SYNPO2: variants seen among roughly 807,000 people sequenced by gnomAD.
SYNPO2 encodes synaptopodin-2.
Under a neutral mutation model 85.0 loss-of-function variants are expected in SYNPO2, and 56 were observed. The observed-to-expected ratio is 0.66, with a 90% confidence interval of 0.53 to 0.82. The LOEUF (loss-of-function observed/expected upper bound fraction) is 0.82, where lower values mean the gene tolerates loss of function less well. SYNPO2 is among the 40% of genes least tolerant of loss of function. The pLI is 0.00. For synonymous variants in SYNPO2, 602 were observed against 591.1 expected (o/e 1.02, Z -0.27); for missense variants, 1,575 against 1,534.2 (o/e 1.03, Z -0.44).
intron 1 of SYNPO2, among the ~76,000 whole-genome samples, chr4:118,867,361 A>T (rs898350890): frequency 6.6e-6 from 1 of 152,242 alleles, no homozygotes; most frequent in Non-Finnish European, 1.5e-5. Context: ...ATCTGCCTGT[A>T]TTATTGTGTA....
chr4:118,906,129 A>AAATG (rs1203755183), intron 1 of SYNPO2, among the ~76,000 whole-genome samples: 1 of 152,230 alleles, frequency 6.6e-6, no homozygotes, highest in African/African-American at 2.4e-5. Flanking sequence ...GTTGTTGAAT[A>AAATG]AATGAATGAA....
intron 1 of SYNPO2, among the ~76,000 whole-genome samples, chr4:118,996,968 C>T (rs1046520909): frequency 6.6e-6 from 1 of 151,410 alleles, no homozygotes; most frequent in African/African-American, 2.4e-5. Flanking sequence ...AGGCCGGGCG[C>T]GGTGGCTCAC....
intron 1 of SYNPO2, among the ~76,000 whole-genome samples, chr4:118,879,247 C>G (rs1275294444): frequency 2.0e-5 from 3 of 152,158 alleles, no homozygotes; most frequent in African/African-American, 7.2e-5. Context: ...GTCAGGGAGA[C>G]CATGAACCCA....
chr4:118,953,113 A>G (rs997912063), intron 1 of SYNPO2, among the ~76,000 whole-genome samples: 15 of 152,254 alleles, frequency 9.9e-5, no homozygotes, highest in African/African-American at 3.4e-4. Context: ...ACTTCACTTG[A>G]TTGAAGTATA....
intron 1 of SYNPO2, among the ~76,000 whole-genome samples, chr4:119,018,492 T>C (rs931847483): frequency 6.6e-6 from 1 of 152,154 alleles, no homozygotes; most frequent in Non-Finnish European, 1.5e-5. Flanking sequence ...GTTCTAGTTT[T>C]AATTTTCTGA....
At chr4:118,917,240 A>G (rs540742123) in intron 1 of SYNPO2, among the ~76,000 whole-genome samples, 7 of 152,250 alleles carry the variant, frequency 4.6e-5, no homozygotes, top group African/African-American at 1.4e-4. Context: ...AAAAATACAA[A>G]AAAATAGCTG....
chr4:119,033,740 A>C (rs1738379751), intron 4 of SYNPO2: 1 of 984,916 alleles, frequency 1.0e-6, no homozygotes. Flanking sequence ...TTATCTGTTC[A>C]ATGTCCATAT....
At chr4:118,974,635 T>C (rs1467394507) in intron 1 of SYNPO2, among the ~76,000 whole-genome samples, 3 of 152,250 alleles carry the variant, frequency 2.0e-5, no homozygotes, top group African/African-American at 7.2e-5. Flanking sequence ...ATGTTAATAC[T>C]GAAAATTTTG....
chr4:118,903,923 G>A (rs1024953479), intron 1 of SYNPO2, among the ~76,000 whole-genome samples: 14 of 151,846 alleles, frequency 9.2e-5, no homozygotes, highest in East Asian at 5.8e-4. Context: ...TCACCATGTT[G>A]GCCAAGATGG....
intron 1 of SYNPO2, among the ~76,000 whole-genome samples, chr4:118,910,041 T>C (rs1161550936): frequency 6.6e-6 from 1 of 152,230 alleles, no homozygotes; most frequent in Non-Finnish European, 1.5e-5. Context: ...AACGTCTATT[T>C]TACTATGACC....
At chr4:118,870,059 A>G (rs188248435) in intron 1 of SYNPO2, among the ~76,000 whole-genome samples, 101 of 152,356 alleles carry the variant, frequency 6.6e-4, no homozygotes, top group Admixed American at 6.2e-3. Context: ...GCCTAATTCC[A>G]AAGCCTGCTA....
At chr4:118,959,439 C>T (rs566048926) in intron 1 of SYNPO2, among the ~76,000 whole-genome samples, 23 of 152,350 alleles carry the variant, frequency 1.5e-4, no homozygotes, top group African/African-American at 5.5e-4. Context: ...TCTTCTCTCT[C>T]ACTTTTTCCA....
intron 4 of SYNPO2, among the ~76,000 whole-genome samples, chr4:119,045,400 A>AT (rs953522005): frequency 9.9e-5 from 15 of 152,246 alleles, no homozygotes; most frequent in African/African-American, 3.6e-4. Context: ...GCAATGAGCT[A>AT]TGATAACACC....
intron 4 of SYNPO2, among the ~76,000 whole-genome samples, chr4:119,047,453 A>G (rs997743306): frequency 2.0e-5 from 3 of 152,248 alleles, no homozygotes; most frequent in Non-Finnish European, 4.4e-5. Flanking sequence ...CTTGGCAGAC[A>G]GAATGATACT....
At chr4:118,972,299 C>T (rs1735568726) in intron 1 of SYNPO2, among the ~76,000 whole-genome samples, 1 of 151,798 alleles carries the variant, frequency 6.6e-6, no homozygotes, top group Non-Finnish European at 1.5e-5. Context: ...GAAAAAATAG[C>T]CGGGTGTAGT....
intron 1 of SYNPO2, among the ~76,000 whole-genome samples, chr4:119,021,151 T>C (rs918883786): frequency 6.6e-6 from 1 of 152,200 alleles, no homozygotes; most frequent in Non-Finnish European, 1.5e-5. Flanking sequence ...AATAGAAGGA[T>C]GGGCCCTCCC....
At chr4:118,943,982 C>A (rs1177788889) in intron 1 of SYNPO2, among the ~76,000 whole-genome samples, 4 of 152,140 alleles carry the variant, frequency 2.6e-5, no homozygotes, top group Non-Finnish European at 4.4e-5. Context: ...TTGTGTACAA[C>A]CAAATTTCTG....
At chr4:119,027,494 T>G in intron 3 of SYNPO2, 56 bp downstream of exon 3, 1 of 1,444,204 alleles carries the variant, frequency 6.9e-7, no homozygotes, top group Non-Finnish European at 9.2e-7. Flanking sequence ...ATTTTGCTGC[T>G]TCTTTGCTTG....
At chr4:119,019,835 A>G (rs1384271153) in intron 1 of SYNPO2, among the ~76,000 whole-genome samples, 1 of 152,184 alleles carries the variant, frequency 6.6e-6, no homozygotes, top group Non-Finnish European at 1.5e-5. Flanking sequence ...CCACTGCTAC[A>G]TGTATTTTAT....
Sources: allele counts gnomAD v4.1 joint callset (sites outside exome capture counted in the v4.1 genomes callset), GRCh38; gene constraint gnomAD v4.1.1; transcripts MANE v1.5; gene names NCBI Gene and HGNC (gene_info 2026-07-23, HGNC 2026-07-21).